Variants in ZNF300 observed in about 807,000 individuals in gnomAD.
The protein encoded by ZNF300 is kruppel-like zinc finger protein.
A neutral mutation model predicts 13.9 loss-of-function variants in ZNF300; 6 were observed. That is an observed-to-expected ratio of 0.43 (90% CI 0.24 to 0.85). The LOEUF (loss-of-function observed/expected upper bound fraction) is 0.85, where lower values mean the gene tolerates loss of function less well. Ranked by LOEUF, ZNF300 falls within the 40% of genes least tolerant of loss-of-function variation. The pLI, the probability that ZNF300 is intolerant of heterozygous loss-of-function variation, is 0.25. For synonymous variants in ZNF300, 237 were observed against 242.2 expected (o/e 0.98, Z 0.20); for missense variants, 662 against 714.2 (o/e 0.93, Z 0.83).
Position 150,898,169 on chromosome 5 carries a change from T to A in ZNF300, c.158A>T (p.Lys53Ile). 6.2e-7 allele frequency: 1 copy of A among 1,613,450 alleles called. No homozygotes were observed. The change falls in exon 5 of 6, where the codon AAA becomes ATA. Residue 53 changes from lysine to isoleucine, a missense_variant. Coordinates refer to ENST00000274599, the MANE Select transcript of ZNF300 (RefSeq NM_052860.4). ...TTCCAACTTGGAGATGACATCTGGT[T>A]TGGAAACTGGATACCCTATTAAACA... ...HLVSMGYPVS[K>I]PDVISKLEQG...
In ZNF300 at chr5:150,895,053, C is replaced by T. The variant is rs115469051; in HGVS notation, c.*371G>A. 0.014 allele frequency: 2,345 copies of T among 166,924 alleles called. 60 individuals carry two copies. The highest frequency in any genetic ancestry group is 0.053 in the African/African-American group (2,233 of 42,044). 10.3% of individuals were successfully genotyped at this position (166,924 alleles called of 1,614,324 possible). ...TATTGTTTACTTAAGCTTTCTTCCA[C>T]GTCTTTTATAGAAAAATTAGTTTAT... On this transcript the variant is annotated 3_prime_UTR_variant, in exon 6 of 6. Coordinates refer to ENST00000274599, the MANE Select transcript of ZNF300 (RefSeq NM_052860.4).
rs755650345 is a variant in ZNF300, at chr5:150,896,228, T to C, written c.1011A>G (p.Lys337=). 1.2e-6 allele frequency: 2 copies of C among 1,613,576 alleles called. No individual in the cohort carries two copies. The highest frequency in any genetic ancestry group is 1.7e-6 in the Non-Finnish European group (2 of 1,179,752). ...CSECGKAFSQ[K]SSLIIHQRVH... is the part of the protein sequence containing the mutation. ...CTCTCTGATGTATAATAAGGGACGATTTCTGAGAGAAGGCTTTTCCACATT... is the reference window on the plus strand; with the variant it reads ...CTCTCTGATGTATAATAAGGGACGACTTCTGAGAGAAGGCTTTTCCACATT... Residue 337 remains lysine, a synonymous_variant, in exon 6 of 6, where the codon AAA becomes AAG. Transcript: ENST00000274599.
intron 5 of ZNF300, 54 bp downstream of exon 5, chr5:150,898,008 C>T: frequency 6.4e-7 from 1 of 1,574,542 alleles, no homozygotes; most frequent in Non-Finnish European, 8.6e-7. Context: ...AGGATAGAAA[C>T]ATAAACCTCA....
chr5:150,903,011 A>T, intron 3 of ZNF300, 130 bp downstream of exon 3: 1 of 935,840 alleles, frequency 1.1e-6, no homozygotes, highest in Non-Finnish European at 1.7e-6. Flanking sequence ...ATTACCTAGA[A>T]ACTCTTTCGA....
chr5:150,898,659 A>G, intron 3 of ZNF300, 105 bp from the exon 4 acceptor site: 1 of 1,324,588 alleles, frequency 7.5e-7, no homozygotes, highest in Non-Finnish European at 1.0e-6. Context: ...AGTTTTTGGG[A>G]AAAACAAAAT....
In ZNF300 at chr5:150,898,044, A is replaced by C; in HGVS notation, c.265+18T>G. On this transcript the variant is annotated intron_variant, in intron 5 of 5. Coordinates refer to ENST00000274599, the MANE Select transcript of ZNF300 (RefSeq NM_052860.4). Reference sequence around the variant, plus strand: ...GGCACCAATCAATTAAAAAAACATAAATTGATATTTCACTTCCCTTGTCTC... The same window carrying C: ...GGCACCAATCAATTAAAAAAACATACATTGATATTTCACTTCCCTTGTCTC... 6.2e-7 allele frequency: 1 copy of C among 1,604,080 alleles called. No homozygotes were observed. Among genetic ancestry groups the C allele is most frequent in the Non-Finnish European group, 8.5e-7 (1 of 1,176,624 alleles).
At chr5:150,898,694 G>A in intron 3 of ZNF300, 140 bp from the exon 4 acceptor site, 1 of 917,018 alleles carries the variant, frequency 1.1e-6, no homozygotes, top group Non-Finnish European at 1.6e-6. Context: ...AGCAAGCAGA[G>A]CCAGGCATAT....
At chr5:150,902,205 A>G (rs942685281) in intron 3 of ZNF300, among the ~76,000 whole-genome samples, 5 of 152,190 alleles carry the variant, frequency 3.3e-5, no homozygotes, top group African/African-American at 1.2e-4. Flanking sequence ...AAACTTTTAA[A>G]AATGGGAGAG....
chr5:150,900,118 CAA>C (rs757013526), intron 3 of ZNF300, among the ~76,000 whole-genome samples: 1 of 151,982 alleles, frequency 6.6e-6, no homozygotes, highest in Admixed American at 6.6e-5. Flanking sequence ...AAATACTTGC[CAA>C]AGATGATTAC....
intron 2 of ZNF300, 82 bp downstream of exon 2, chr5:150,903,782 C>T (rs989509947): frequency 4.9e-5 from 9 of 184,140 alleles, no homozygotes; most frequent in Admixed American, 2.2e-4. Context: ...TTCAACAGCT[C>T]TATTGTCTGT....
intron 2 of ZNF300, 174 bp from the exon 3 acceptor site, chr5:150,903,356 G>A: frequency 1.3e-6 from 2 of 1,549,832 alleles, no homozygotes; most frequent in African/African-American, 1.4e-5. Flanking sequence ...CCATGTGGAG[G>A]AGGGATCATT....
In ZNF300 at chr5:150,898,523, T is replaced by G; in HGVS notation, c.47A>C (p.Asp16Ala). Residue 16 changes from aspartate to alanine, a missense_variant, in exon 4 of 6, where the codon GAT becomes GCT. Coordinates refer to ENST00000274599, the MANE Select transcript of ZNF300 (RefSeq NM_052860.4). Reference sequence around the variant, plus strand: ...TTGCTGCCACTCCTCCTGGGTGAAATCCACAGCCACATCCTTGAATGATAC... The same window carrying G: ...TTGCTGCCACTCCTCCTGGGTGAAAGCCACAGCCACATCCTTGAATGATAC... Reference protein sequence around the residue: ...GLVSFKDVAVDFTQEEWQQLD... With the variant: ...GLVSFKDVAVAFTQEEWQQLD... 6.2e-7 allele frequency: 1 copy of G among 1,612,738 alleles called. No individual in the cohort carries two copies. Among genetic ancestry groups the G allele is most frequent in the Non-Finnish European group, 8.5e-7 (1 of 1,179,216 alleles).
Position 150,896,013 on chromosome 5 carries a change from T to C in ZNF300, c.1226A>G (p.Tyr409Cys), listed in dbSNP as rs2113310760. 1 of 1,613,562 alleles carries C rather than the reference T, an allele frequency of 6.2e-7. No individual in the cohort carries two copies. Among genetic ancestry groups the C allele is most frequent in the Non-Finnish European group, 8.5e-7 (1 of 1,179,770 alleles). ...GGCTTTCCCACATTCGGTACACTCA[T>C]ACGGCTTCTCTCCAGTATGAGCTCT... ...HHRAHTGEKP[Y>C]ECTECGKAFC... Residue 409 changes from tyrosine (Y) to cysteine (C), a missense_variant, in exon 6 of 6, where the codon TAT becomes TGT. Physicochemically the swap from Tyr to Cys is radical, Grantham distance 194. Transcript: ENST00000274599.
rs1754710956 is a variant in ZNF300, at chr5:150,895,217, T to C, written c.*207A>G. The C allele has an allele frequency of 4.2e-6, 2 of 480,376 alleles. No individual in the cohort carries two copies. The highest frequency in any genetic ancestry group is 2.0e-5 in the African/African-American group (1 of 51,032). 29.8% of individuals were successfully genotyped at this position (480,376 alleles called of 1,614,324 possible). A position where few individuals can be genotyped will look rare whatever the true frequency, so the allele number is the denominator to read the frequency against. On this transcript the variant is annotated 3_prime_UTR_variant, in exon 6 of 6. Transcript: ENST00000274599. ...TCACTGAGTTCATAACTTTAAAAGC[T>C]TTACATGCCATATTAAAAATGTTCT...
At chr5:150,900,912 G>T (rs992727183) in intron 3 of ZNF300, among the ~76,000 whole-genome samples, 1 of 151,858 alleles carries the variant, frequency 6.6e-6, no homozygotes, top group Non-Finnish European at 1.5e-5. Context: ...ATAATAAGTA[G>T]GTATAAATTT....
Position 150,895,592 on chromosome 5 carries a change from G to A in ZNF300, c.1647C>T (p.Tyr549=), listed in dbSNP as rs780947147. 3.1e-6 allele frequency: 5 copies of A among 1,613,484 alleles called. No individual in the cohort carries two copies. Among genetic ancestry groups the A allele is most frequent in the African/African-American group, 2.7e-5 (2 of 74,970 alleles). ...AGGCCTTTCCACATTCAGCACATAT[G>A]TAAGGTTTCTCTCCTGTATGAATTC... ...HQRIHTGEKP[Y]ICAECGKAFS... The change falls in exon 6 of 6, where the codon TAC becomes TAT. Residue 549 remains tyrosine, a synonymous_variant. Transcript: ENST00000274599.
chr5:150,896,703 A>T lies in ZNF300; in HGVS notation c.536T>A (p.Ile179Lys). ...ATATTTATGGAATCTCTGTATTGATATATCTGTTTCTATGCACTCTTGAAA... is the reference window on the plus strand; with the variant it reads ...ATATTTATGGAATCTCTGTATTGATTTATCTGTTTCTATGCACTCTTGAAA... Reference protein sequence around the residue: ...KIFQECIETDISIQRFHKYDA... With the variant: ...KIFQECIETDKSIQRFHKYDA... The change falls in exon 6 of 6, where the codon ATA becomes AAA. Residue 179 changes from isoleucine to lysine, a missense_variant. Ile to Lys is a moderately radical substitution (Grantham distance 102). Transcript: ENST00000274599. The T allele has an allele frequency of 1.2e-6, 2 of 1,613,504 alleles. No individual in the cohort carries two copies. Among genetic ancestry groups the T allele is most frequent in the East Asian group, 4.5e-5 (2 of 44,850 alleles).
chr5:150,903,112 AT>A (rs111355487), intron 3 of ZNF300, 28 bp downstream of exon 3: 92,638 of 1,067,654 alleles, frequency 0.087, no homozygotes, highest in South Asian at 0.099. Flanking sequence ...CCAAAGAAGA[AT>A]TTTTTTTTTT....
chr5:150,902,640 G>A (rs1300531229), intron 3 of ZNF300, among the ~76,000 whole-genome samples: 1 of 152,174 alleles, frequency 6.6e-6, no homozygotes, highest in South Asian at 2.1e-4. Context: ...TTGGAGAATG[G>A]GATTTGGCCC....
Sources: gnomAD v4.1 joint callset for allele counts (sites outside exome capture counted in the v4.1 genomes callset) on GRCh38, gnomAD v4.1.1 for gene constraint, MANE v1.5 for transcripts, NCBI Gene and HGNC (gene_info 2026-07-23, HGNC 2026-07-21) for gene names.